DIS3L2: variants seen among roughly 807,000 people sequenced by gnomAD.
DIS3L2 encodes DIS3 like 3'-5' exoribonuclease 2, also known as DIS3-like exonuclease 2.
A neutral mutation model predicts 97.5 loss-of-function variants in DIS3L2; 34 were observed. The observed-to-expected ratio is 0.35, with a 90% confidence interval of 0.27 to 0.46. The LOEUF (loss-of-function observed/expected upper bound fraction) is 0.46. Among genes scored for constraint, DIS3L2 ranks in the 20% least tolerant of loss-of-function variants. The pLI, the probability that DIS3L2 is intolerant of heterozygous loss-of-function variation, is 1.00. For missense variants in DIS3L2, 1,038 were observed against 1,146.0 expected (o/e 0.91, Z 1.36); for synonymous variants, 435 against 445.2 (o/e 0.98, Z 0.29).
chr2:232,096,885 A>G (rs1697033681), intron 6 of DIS3L2, among the ~76,000 whole-genome samples: 1 of 152,054 alleles, frequency 6.6e-6, no homozygotes, highest in Admixed American at 6.5e-5. Flanking sequence ...TTTCTGTCTG[A>G]AAGGTTACAT....
Position 232,281,129 on chromosome 2 carries a change from G to A in DIS3L2, c.1659+17689G>A, listed in dbSNP as rs772334757. Among the ~76,000 whole-genome samples, 10 of 152,154 alleles carry A rather than the reference G, an allele frequency of 6.6e-5. No homozygotes were observed. Among genetic ancestry groups the A allele is most frequent in the Non-Finnish European group, 1.2e-4 (8 of 68,030 alleles). Reference sequence around the variant, plus strand: ...AATATGAGTGTTTTCGGCTGGGCACGGTGGCTCACACCTATAACCCAGCAC... The same window carrying A: ...AATATGAGTGTTTTCGGCTGGGCACAGTGGCTCACACCTATAACCCAGCAC... On this transcript the variant is annotated intron_variant, in intron 13 of 20. Coordinates refer to ENST00000325385, the MANE Select transcript of DIS3L2 (RefSeq NM_152383.5). The surrounding 1 kb of genome is among the most constrained non-coding windows in gnomAD (Gnocchi z 4.1).
chr2:232,298,165 A>G (rs1694766699), intron 13 of DIS3L2, among the ~76,000 whole-genome samples: 1 of 152,200 alleles, frequency 6.6e-6, no homozygotes, highest in African/African-American at 2.4e-5. Flanking sequence ...ATGTGTGACT[A>G]TAGCATAGTT....
chr2:232,174,234 A>G (rs1691080808), intron 9 of DIS3L2, among the ~76,000 whole-genome samples: 1 of 152,098 alleles, frequency 6.6e-6, no homozygotes, highest in African/African-American at 2.4e-5. Context: ...ATTTATTGCT[A>G]ATGTTTAGAA....
chr2:232,343,397 C>A, exon 14 of DIS3L2: 1 of 1,556,596 alleles, frequency 6.4e-7, no homozygotes, highest in Non-Finnish European at 8.7e-7. Flanking sequence ...CACAGCCCCT[C>A]TGCTGAAGAT....
At chr2:232,126,392 C>G (rs578151259) in intron 6 of DIS3L2, among the ~76,000 whole-genome samples, 10 of 152,342 alleles carry the variant, frequency 6.6e-5, no homozygotes, top group African/African-American at 2.4e-4. Context: ...CAGAGACAGG[C>G]AGGCCAAGAC....
At chr2:232,135,244 C>G (rs73003128) in intron 7 of DIS3L2, among the ~76,000 whole-genome samples, 1,708 of 152,126 alleles carry the variant, frequency 0.011, 17 homozygotes, top group Non-Finnish European at 0.016. Flanking sequence ...ACAGAGTAAC[C>G]AGGAGGCCAG....
intron 13 of DIS3L2, among the ~76,000 whole-genome samples, chr2:232,273,458 G>A (rs1694058019): frequency 6.6e-6 from 1 of 152,228 alleles, no homozygotes; most frequent in Admixed American, 6.5e-5. Context: ...CTAGAAGAGA[G>A]GCGTGTTTAT....
intron 11 of DIS3L2, among the ~76,000 whole-genome samples, chr2:232,241,693 C>T (rs536537033): frequency 1.3e-5 from 2 of 152,268 alleles, no homozygotes; most frequent in African/African-American, 2.4e-5. Context: ...GACACCTGCC[C>T]ACCTGAATTT....
intron 14 of DIS3L2, 28 bp from the exon 15 acceptor site, chr2:232,329,785 T>TGCCCGGGGGGGGCCCCCC: frequency 4.8e-5 from 46 of 967,066 alleles, no homozygotes; most frequent in East Asian, 9.3e-5. Flanking sequence ...ACCCCAGCGG[T>TGCCCGGGGGGGGCCCCCC]CCCTCCCATC....
chr2:232,013,605 T>C (rs1694272686), intron 1 of DIS3L2, among the ~76,000 whole-genome samples: 1 of 152,268 alleles, frequency 6.6e-6, no homozygotes, highest in South Asian at 2.1e-4. Flanking sequence ...TCCTGTCATC[T>C]GTACATTTAT....
rs1246292888 is a variant in DIS3L2, at chr2:232,326,679, G to T, written c.1740-3134G>T. Among the ~76,000 whole-genome samples the T allele has an allele frequency of 2.7e-5, 4 of 147,226 alleles. 1 individual carries two copies. Among genetic ancestry groups the T allele is most frequent in the Non-Finnish European group, 4.4e-5 (3 of 67,554 alleles). On this transcript the variant is annotated intron_variant, in intron 14 of 20. Transcript: ENST00000325385. ...CCTCAGTGCCCTTGACCTTTGTCTG[G>T]GTCCCTGCTTAATGTGGCCTAACTA...
At chr2:232,261,828 C>T (rs1693719234) in intron 12 of DIS3L2, among the ~76,000 whole-genome samples, 1 of 152,176 alleles carries the variant, frequency 6.6e-6, no homozygotes, top group Non-Finnish European at 1.5e-5. Flanking sequence ...GGTTCAGTTC[C>T]CAGCTTTGCC....
At chr2:232,144,676 A>G (rs1690166446) in intron 8 of DIS3L2, among the ~76,000 whole-genome samples, 1 of 152,096 alleles carries the variant, frequency 6.6e-6, no homozygotes, top group Non-Finnish European at 1.5e-5. Context: ...CACTATTTCC[A>G]CTAACATTCT....
At chr2:232,202,649 A>C (rs903226458) in intron 9 of DIS3L2, among the ~76,000 whole-genome samples, 3 of 152,220 alleles carry the variant, frequency 2.0e-5, no homozygotes, top group African/African-American at 7.2e-5. Context: ...GGGCCTGCCC[A>C]CAGTGCTGCA....
At chr2:232,236,016 G>A (rs548180400) in intron 10 of DIS3L2, among the ~76,000 whole-genome samples, 1 of 152,182 alleles carries the variant, frequency 6.6e-6, no homozygotes, top group Admixed American at 6.5e-5. Context: ...CCCCATAGCA[G>A]CCAGGATCTC....
chr2:232,158,735 CATTG>C (rs1690570860), intron 8 of DIS3L2, among the ~76,000 whole-genome samples: 1 of 152,050 alleles, frequency 6.6e-6, no homozygotes, highest in South Asian at 2.1e-4. Context: ...CAGTTAAAGA[CATTG>C]ATATTAGGAG....
chr2:232,343,654 G>C (rs77750940), exon 14 of DIS3L2: 33 of 1,455,614 alleles, frequency 2.3e-5, no homozygotes, highest in Admixed American at 4.0e-5. Flanking sequence ...GAAAAGGCCA[G>C]ACTTCTAAAA....
intron 3 of DIS3L2, among the ~76,000 whole-genome samples, chr2:232,016,811 T>C (rs949424992): frequency 6.6e-6 from 1 of 152,168 alleles, no homozygotes. Context: ...CCATTTTCTC[T>C]TATTCTGAGA....
chr2:232,166,298 T>G lies in DIS3L2; in HGVS notation c.1124+2666T>G, dbSNP rs189970522. ...AGAAACCTTGCTCTGCAGAAAGCCT[T>G]TGTTAAAATATATCTTAAATACACA... is the stretch of plus-strand genomic sequence containing the variant. On this transcript the variant is annotated intron_variant, in intron 9 of 20. Transcript: ENST00000325385. Among the ~76,000 whole-genome samples the G allele has an allele frequency of 3.3e-5, 5 of 151,294 alleles. No homozygotes were observed. In the East Asian group the frequency reaches 9.7e-4, roughly 29 times the overall value.
Sources: allele counts gnomAD v4.1 joint callset (sites outside exome capture counted in the v4.1 genomes callset), GRCh38; gene constraint gnomAD v4.1.1; non-coding constraint Gnocchi (gnomAD v3.1); transcripts MANE v1.5; gene names NCBI Gene and HGNC (gene_info 2026-07-23, HGNC 2026-07-21).